Variants in MRPL13 observed in about 807,000 individuals in gnomAD.
MRPL13 encodes the protein large ribosomal subunit protein uL13m.
In MRPL13, 33 loss-of-function variants were observed where a neutral mutation model predicts 29.0. The observed-to-expected ratio is 1.14, with a 90% confidence interval of 0.86 to 1.52. The LOEUF (loss-of-function observed/expected upper bound fraction) is 1.52. MRPL13 is among the 40% of genes most tolerant of loss of function. The probability of loss-of-function intolerance (pLI) is 0.00; values close to 1 mark genes in which losing one functional copy is unlikely to be tolerated. For synonymous variants in MRPL13, 77 were observed against 68.4 expected, an observed-to-expected ratio of 1.13 and a Z score of -0.62; for missense variants, 227 against 216.7, an observed-to-expected ratio of 1.05 and a Z score of -0.30.
In MRPL13 at chr8:120,432,132, TA is replaced by T; in HGVS notation, c.152-10del. On this transcript the variant is annotated splice_polypyrimidine_tract_variant and intron_variant, in intron 2 of 6. Transcript: ENST00000306185. ...ATGATCCCCACAGTCACCTACATTT[TA>T]AAAAGAAACAAGATTTTGTAAGAAA... 1 of 1,549,424 alleles carries T rather than the reference TA, an allele frequency of 6.5e-7. No homozygotes were observed. Among genetic ancestry groups the T allele is most frequent in the Non-Finnish European group, 8.7e-7 (1 of 1,152,692 alleles).
At chr8:120,419,622 T>C (rs986100519) in intron 5 of MRPL13, 5 of 279,918 alleles carry the variant, frequency 1.8e-5, no homozygotes, top group African/African-American at 4.4e-5. Context: ...TTAAAATTTT[T>C]TTTAAAAACT....
At chr8:120,435,539 T>G (rs1329779239) in intron 2 of MRPL13, among the ~76,000 whole-genome samples, 1 of 152,200 alleles carries the variant, frequency 6.6e-6, no homozygotes, top group Admixed American at 6.5e-5. Context: ...GGACATGATC[T>G]CATTTTTTAA....
chr8:120,404,082 T>G (rs1812637077), intron 6 of MRPL13, among the ~76,000 whole-genome samples: 5 of 152,316 alleles, frequency 3.3e-5, no homozygotes, highest in Admixed American at 3.3e-4. Flanking sequence ...GAATATACCC[T>G]TTTCTCCTTT....
chr8:120,419,767 A>G, intron 5 of MRPL13, 85 bp downstream of exon 5: 1 of 989,178 alleles, frequency 1.0e-6, no homozygotes, highest in South Asian at 2.0e-5. Flanking sequence ...TTTGAAAATA[A>G]GTCTGTGGCA....
At chr8:120,434,597 A>G (rs781428311) in intron 2 of MRPL13, among the ~76,000 whole-genome samples, 5 of 152,110 alleles carry the variant, frequency 3.3e-5, no homozygotes, top group Admixed American at 6.6e-5. Context: ...CAATGATATC[A>G]TTCACTAATT....
intron 6 of MRPL13, among the ~76,000 whole-genome samples, chr8:120,403,794 C>CA (rs1812632711): frequency 6.6e-6 from 1 of 152,126 alleles, no homozygotes; most frequent in Admixed American, 6.6e-5. Flanking sequence ...ACTGAATACT[C>CA]ACAGGATACC....
At chr8:120,417,105 T>C (rs1812812750) in intron 5 of MRPL13, among the ~76,000 whole-genome samples, 1 of 152,224 alleles carries the variant, frequency 6.6e-6, no homozygotes, top group South Asian at 2.1e-4. Flanking sequence ...TTTCCTTTTA[T>C]TTGGATTTAT....
In MRPL13 at chr8:120,443,166, G is replaced by C. The variant is rs1319162096; in HGVS notation, c.151+19C>G. The C allele has an allele frequency of 6.6e-7, 1 of 1,514,198 alleles. No homozygotes were observed. The highest frequency in any genetic ancestry group is 1.4e-5 in the African/African-American group (1 of 70,522). 93.8% of individuals were successfully genotyped at this position (1,514,198 alleles called of 1,614,324 possible). A position where few individuals can be genotyped will look rare whatever the true frequency, so the allele number is the denominator to read the frequency against. ...ATGAAAACTACAGTGGTTAATGACA[G>C]GTCTAAAATAATACTTACTCAGTGC... On this transcript the variant is annotated intron_variant, in intron 2 of 6. Coordinates refer to ENST00000306185, the MANE Select transcript of MRPL13 (RefSeq NM_014078.6).
At chr8:120,400,837 CACAAAT>C (rs1405253439) in intron 6 of MRPL13, among the ~76,000 whole-genome samples, 1 of 151,934 alleles carries the variant, frequency 6.6e-6, no homozygotes, top group Non-Finnish European at 1.5e-5. Flanking sequence ...ACTGATCCCA[CACAAAT>C]ACAAACCACC....
chr8:120,415,642 T>C (rs1377150791), intron 5 of MRPL13: 6 of 152,090 alleles, frequency 3.9e-5, no homozygotes, highest in South Asian at 2.1e-4. Flanking sequence ...GAAAACACAA[T>C]AGATACTCTT....
intron 6 of MRPL13, among the ~76,000 whole-genome samples, chr8:120,398,920 TAC>T (rs549678047): frequency 2.7e-5 from 4 of 149,100 alleles, no homozygotes; most frequent in Admixed American, 6.7e-5. Flanking sequence ...CAGACAATAA[TAC>T]ACACACACAC....
intron 3 of MRPL13, among the ~76,000 whole-genome samples, chr8:120,426,889 A>G (rs1812936824): frequency 6.6e-6 from 1 of 152,172 alleles, no homozygotes; most frequent in Non-Finnish European, 1.5e-5. Flanking sequence ...TGATACAACT[A>G]GTTGTTAAGT....
intron 6 of MRPL13, among the ~76,000 whole-genome samples, chr8:120,396,862 T>C (rs905742491): frequency 2.0e-5 from 3 of 152,234 alleles, no homozygotes; most frequent in African/African-American, 7.2e-5. Context: ...ACTAAACAGA[T>C]ATTTTGGCAA....
chr8:120,410,685 A>C (rs1202702431), intron 6 of MRPL13, among the ~76,000 whole-genome samples: 1 of 152,222 alleles, frequency 6.6e-6, no homozygotes, highest in Non-Finnish European at 1.5e-5. Context: ...GCCACAGTGC[A>C]AGGGCTCAAG....
At chr8:120,420,049 T>C in intron 4 of MRPL13, 111 bp from the exon 5 acceptor site, 1 of 611,964 alleles carries the variant, frequency 1.6e-6, no homozygotes. Flanking sequence ...AACACGAATA[T>C]AGGAAAGAAA....
intron 6 of MRPL13, among the ~76,000 whole-genome samples, chr8:120,397,447 G>A (rs1396499790): frequency 6.6e-6 from 1 of 152,182 alleles, no homozygotes; most frequent in Non-Finnish European, 1.5e-5. Flanking sequence ...AGTGCAACAG[G>A]CTGGAGACTG....
At chr8:120,422,567 TATATATAAAC>T (rs1812885156) in intron 4 of MRPL13, among the ~76,000 whole-genome samples, 2 of 148,444 alleles carry the variant, frequency 1.3e-5, no homozygotes, top group African/African-American at 4.9e-5. Context: ...TATGGAAATA[TATATATAAAC>T]ATATATATAA....
chr8:120,431,968 A>G, intron 3 of MRPL13, 62 bp downstream of exon 3: 1 of 1,150,234 alleles, frequency 8.7e-7, no homozygotes, highest in South Asian at 1.6e-5. Flanking sequence ...AGTAAGAACA[A>G]CTGTATTCTT....
chr8:120,412,786 A>G (rs1812754398), intron 6 of MRPL13, among the ~76,000 whole-genome samples: 1 of 152,316 alleles, frequency 6.6e-6, no homozygotes, highest in Middle Eastern at 3.4e-3. Context: ...TGACATGCCA[A>G]TGCAAGAAGG....
Sources: allele counts gnomAD v4.1 joint callset (sites outside exome capture counted in the v4.1 genomes callset), GRCh38; gene constraint gnomAD v4.1.1; transcripts MANE v1.5; gene names NCBI Gene and HGNC (gene_info 2026-07-23, HGNC 2026-07-21).